The following APBA2 variants were observed in gnomAD, a reference collection of about 807,000 sequenced individuals.
The protein encoded by APBA2 is amyloid-beta A4 precursor protein-binding family A member 2.
In APBA2, 30 loss-of-function variants were observed where a neutral mutation model predicts 75.0. The observed-to-expected ratio is 0.40, with a 90% confidence interval of 0.30 to 0.54. APBA2 has a LOEUF of 0.54. Among genes scored for constraint, APBA2 ranks in the 20% least tolerant of loss-of-function variants. The pLI is 0.49. For synonymous variants in APBA2, 444 were observed against 409.6 expected (o/e 1.08, Z -1.01); for missense variants, 801 against 1,016.1 (o/e 0.79, Z 2.88).
At chr15:29,006,938 A>G (rs1447121180) in intron 3 of APBA2, among the ~76,000 whole-genome samples, 1 of 152,190 alleles carries the variant, frequency 6.6e-6, no homozygotes, top group Non-Finnish European at 1.5e-5. Context: ...ATCTCAAGGG[A>G]CCCTGAATAG....
intron 3 of APBA2, among the ~76,000 whole-genome samples, chr15:29,010,535 G>A (rs1453956886): frequency 6.6e-6 from 1 of 152,188 alleles, no homozygotes; most frequent in Non-Finnish European, 1.5e-5. Flanking sequence ...TGGGATTACA[G>A]GTGCGAGCCA....
intron 3 of APBA2, among the ~76,000 whole-genome samples, chr15:29,006,543 A>G (rs1032894617): frequency 2.6e-5 from 4 of 152,252 alleles, no homozygotes; most frequent in Non-Finnish European, 5.9e-5. Context: ...TACAAAGGAA[A>G]GAGGTTTAAT....
intron 6 of APBA2, among the ~76,000 whole-genome samples, chr15:29,091,330 AG>A (rs2043561926): frequency 6.6e-6 from 1 of 152,106 alleles, no homozygotes; most frequent in African/African-American, 2.4e-5. Flanking sequence ...CTCTGACCCC[AG>A]GGGCACGCAG....
intron 2 of APBA2, among the ~76,000 whole-genome samples, chr15:28,984,763 C>CA (rs1238791612): frequency 6.6e-6 from 1 of 150,826 alleles, no homozygotes; most frequent in Non-Finnish European, 1.5e-5. Flanking sequence ...TCTCCCCCCC[C>CA]ACCCCACTGC....
chr15:29,053,660 T>G (rs1238659355), intron 3 of APBA2, among the ~76,000 whole-genome samples, 185 bp from the exon 4 acceptor site: 1 of 151,960 alleles, frequency 6.6e-6, no homozygotes, highest in Non-Finnish European at 1.5e-5. Flanking sequence ...CTCGTTCTCC[T>G]TGGTGTGGAT....
chr15:29,048,014 T>G (rs2041421592), intron 3 of APBA2, among the ~76,000 whole-genome samples: 1 of 152,130 alleles, frequency 6.6e-6, no homozygotes, highest in African/African-American at 2.4e-5. Context: ...AAGATTTTTT[T>G]GGGTGAAATT....
Position 28,969,128 on chromosome 15 carries a change from TTTTCTTTCTTTCTTTCTTTC to T in APBA2, c.-94-26589_-94-26570del, listed in dbSNP as rs138940957. On this transcript the variant is annotated intron_variant, in intron 2 of 14. Coordinates refer to ENST00000683413, the MANE Select transcript of APBA2 (RefSeq NM_001353788.2). ...TACAAAAACCTTACCTTTCATTTCT[TTTTCTTTCTTTCTTTCTTTC>T]TTTCTTTCTTTCTTTCTTTCTTTCT... Among the ~76,000 whole-genome samples, 68 of 137,140 alleles carry T rather than the reference TTTTCTTTCTTTCTTTCTTTC, an allele frequency of 5.0e-4. 1 individual carries two copies. Among genetic ancestry groups the T allele is most frequent in the South Asian group, 1.8e-3 (7 of 3,976 alleles). The allele number at this position is 137,140 out of a possible 152,430, so 90.0% of individuals were successfully genotyped here.
intron 1 of APBA2, among the ~76,000 whole-genome samples, chr15:28,886,772 T>G (rs772867133): frequency 7.2e-5 from 11 of 152,086 alleles, no homozygotes; most frequent in Admixed American, 2.0e-4. Flanking sequence ...CCCTTTATAA[T>G]AAGGCCCAGA....
intron 1 of APBA2, among the ~76,000 whole-genome samples, chr15:28,897,360 A>C (rs1595404758): frequency 6.6e-6 from 1 of 152,184 alleles, no homozygotes; most frequent in African/African-American, 2.4e-5. Context: ...CAATGCTTGT[A>C]ATCCCAGCAC....
intron 2 of APBA2, among the ~76,000 whole-genome samples, chr15:28,950,251 A>G (rs1041345262): frequency 1.3e-5 from 2 of 152,206 alleles, no homozygotes; most frequent in African/African-American, 2.4e-5. Flanking sequence ...TCAATGTTGC[A>G]TGATATCAAT....
chr15:28,951,879 G>T (rs2035899755), intron 2 of APBA2, among the ~76,000 whole-genome samples: 1 of 125,388 alleles, frequency 8.0e-6, no homozygotes, highest in Admixed American at 8.2e-5. Flanking sequence ...ACTGCACTCA[G>T]CCTTTTTTTT....
chr15:28,886,567 C>T (rs1254953533), intron 1 of APBA2, among the ~76,000 whole-genome samples: 1 of 151,764 alleles, frequency 6.6e-6, no homozygotes, highest in Admixed American at 6.6e-5. Flanking sequence ...CGGGGGGCAC[C>T]GCGGCAAGGG....
chr15:28,922,492 A>T (rs915876252), intron 2 of APBA2, among the ~76,000 whole-genome samples: 4 of 152,144 alleles, frequency 2.6e-5, no homozygotes, highest in Non-Finnish European at 4.4e-5. Flanking sequence ...CATCTTCTAC[A>T]GCCAGCCATT....
At chr15:29,101,571 T>A in intron 9 of APBA2, 28 bp from the exon 10 acceptor site, 2 of 1,607,022 alleles carry the variant, frequency 1.2e-6, no homozygotes, top group Non-Finnish European at 1.7e-6. Context: ...TAGTGTTCCC[T>A]GACGTGGCAC....
In APBA2 at chr15:29,046,502, G is replaced by T. The variant is rs1444584194; in HGVS notation, c.-40-7343G>T. Among the ~76,000 whole-genome samples the T allele has an allele frequency of 6.6e-6, 1 of 152,204 alleles. No individual in the cohort carries two copies. The highest frequency in any genetic ancestry group is 1.5e-5 in the Non-Finnish European group (1 of 68,032). On this transcript the variant is annotated intron_variant, in intron 3 of 14. Transcript: ENST00000683413. This position sits in a 1 kb window ranked among gnomAD's most constrained non-coding sequence, Gnocchi z 5.0. Reference sequence around the variant, plus strand: ...GGTGGGCCTAGGCTTCTTGGTGAGGGCCTTGTATTTGTTGACAAGGAGGTC... The same window carrying T: ...GGTGGGCCTAGGCTTCTTGGTGAGGTCCTTGTATTTGTTGACAAGGAGGTC...
At chr15:29,006,948 G>C (rs1368231292) in intron 3 of APBA2, among the ~76,000 whole-genome samples, 1 of 152,184 alleles carries the variant, frequency 6.6e-6, no homozygotes, top group Non-Finnish European at 1.5e-5. Context: ...ACCCTGAATA[G>C]TAATAGCAAT....
At chr15:29,033,023 G>T (rs2040560776) in intron 3 of APBA2, among the ~76,000 whole-genome samples, 1 of 152,200 alleles carries the variant, frequency 6.6e-6, no homozygotes, top group South Asian at 2.1e-4. Flanking sequence ...TGAGGAATGG[G>T]AGCGTTTGCC....
intron 2 of APBA2, among the ~76,000 whole-genome samples, chr15:28,993,216 C>T (rs1057337707): frequency 3.3e-5 from 5 of 152,170 alleles, no homozygotes; most frequent in South Asian, 2.1e-4. Flanking sequence ...TCCCGGCTCT[C>T]GTGACCTTGC....
chr15:28,930,598 C>T (rs960480379), intron 2 of APBA2, among the ~76,000 whole-genome samples: 2 of 152,092 alleles, frequency 1.3e-5, no homozygotes, highest in Admixed American at 1.3e-4. Flanking sequence ...CTTTCTTTGC[C>T]TCTGTTTTTG....
Sources: allele counts gnomAD v4.1 joint callset (sites outside exome capture counted in the v4.1 genomes callset), GRCh38; gene constraint gnomAD v4.1.1; non-coding constraint Gnocchi (gnomAD v3.1); transcripts MANE v1.5; gene names NCBI Gene and HGNC (gene_info 2026-07-23, HGNC 2026-07-21).